The following WDFY3 variants were observed in gnomAD, a reference collection of about 807,000 sequenced individuals.
WDFY3 encodes WD repeat and FYVE domain-containing protein 3.
In WDFY3, 66 loss-of-function variants were observed where a neutral mutation model predicts 409.6. The ratio of observed to expected loss-of-function variants is 0.16; its 90% CI spans 0.13 to 0.20. The LOEUF (loss-of-function observed/expected upper bound fraction) is 0.20, where lower values mean the gene tolerates loss of function less well. Ranked by LOEUF, WDFY3 falls within the 10% of genes least tolerant of loss-of-function variation. WDFY3 has a pLI of 1.00. For missense variants in WDFY3, 3,031 were observed against 4,298.1 expected (o/e 0.71, Z 8.24); for synonymous variants, 1,521 against 1,537.1 (o/e 0.99, Z 0.25).
At chr4:84,778,133 A>G (rs569438433) in intron 27 of WDFY3, among the ~76,000 whole-genome samples, 1 of 152,240 alleles carries the variant, frequency 6.6e-6, no homozygotes, top group Admixed American at 6.5e-5. Context: ...ACATAAAATG[A>G]ATGATATTTT....
intron 3 of WDFY3, among the ~76,000 whole-genome samples, chr4:84,871,904 G>A (rs960100965): frequency 2.0e-5 from 3 of 152,210 alleles, no homozygotes; most frequent in African/African-American, 7.2e-5. Flanking sequence ...AAAGTGCGAG[G>A]ATTACAGGCA....
In WDFY3 at chr4:84,684,100, G is replaced by A; in HGVS notation, c.9569C>T (p.Thr3190Ile). The A allele has an allele frequency of 6.2e-7, 1 of 1,601,354 alleles. No individual in the cohort carries two copies. Among genetic ancestry groups the A allele is most frequent in the East Asian group, 2.2e-5 (1 of 44,466 alleles). ...ATTGATGCTCCACACATGGATATAT[G>A]TGCCAGCGCAGGACACAATGTCCCC... ...LTGDIVSCAG[T>I]YIHVWSINGN... Residue 3190 changes from threonine to isoleucine, a missense_variant, in exon 63 of 68, where the codon ACA (threonine) becomes ATA (isoleucine). This residue lies in a region of WDFY3 where 378 missense variants were observed against 477.3 expected (regional missense o/e 0.79). Coordinates refer to ENST00000295888, the MANE Select transcript of WDFY3 (RefSeq NM_014991.6).
At chr4:84,943,860 T>C (rs1310181890) in intron 1 of WDFY3, among the ~76,000 whole-genome samples, 1 of 152,160 alleles carries the variant, frequency 6.6e-6, no homozygotes, top group Non-Finnish European at 1.5e-5. Flanking sequence ...TTGTGTTGGG[T>C]CCCTACCAGA....
At chr4:84,903,129 A>G (rs1156999172) in intron 2 of WDFY3, among the ~76,000 whole-genome samples, 2 of 152,206 alleles carry the variant, frequency 1.3e-5, no homozygotes, top group Non-Finnish European at 2.9e-5. Context: ...TTAGGTCAGA[A>G]AAAAGAGAGT....
rs773219297 is a variant in WDFY3, at chr4:84,803,393, G to A, written c.2504C>T (p.Thr835Ile). The change falls in exon 16 of 68, where the codon ACA becomes ATA. Residue 835 changes from threonine to isoleucine, a missense_variant. Thr to Ile is a moderately conservative substitution (Grantham distance 89). Around this residue, in one of 16 missense-constraint regions of WDFY3, gnomAD observed 1,322 missense variants for 1,697.9 expected, o/e 0.78. Transcript: ENST00000295888. ...ATCAGAACTCTGCAGAGATGAAGTT[G>A]TCACATGTAGTTTCAGGTCGGCAAC... ...KNVADLKLHV[T>I]TSSLQSSDAV... 6.2e-7 allele frequency: 1 copy of A among 1,614,142 alleles called. No individual in the cohort carries two copies. The highest frequency in any genetic ancestry group is 1.1e-5 in the South Asian group (1 of 91,080).
chr4:84,733,964 A>C (rs1256921770), intron 43 of WDFY3, among the ~76,000 whole-genome samples: 2 of 152,168 alleles, frequency 1.3e-5, no homozygotes, highest in East Asian at 3.9e-4. Context: ...ATATATGGTA[A>C]TTTAAGGATA....
intron 13 of WDFY3, among the ~76,000 whole-genome samples, chr4:84,812,222 T>C (rs1158905830): frequency 6.6e-6 from 1 of 152,230 alleles, no homozygotes; most frequent in Non-Finnish European, 1.5e-5. Flanking sequence ...CTTCAATCAA[T>C]AAATTTACAT....
At chr4:84,892,169 T>G (rs1765041039) in intron 3 of WDFY3, among the ~76,000 whole-genome samples, 1 of 151,978 alleles carries the variant, frequency 6.6e-6, no homozygotes, top group Non-Finnish European at 1.5e-5. Context: ...ATAAAATAAT[T>G]TATCATGTTT....
At chr4:84,746,645 G>A (rs1303291905) in intron 36 of WDFY3, among the ~76,000 whole-genome samples, 1 of 151,932 alleles carries the variant, frequency 6.6e-6, no homozygotes, top group Non-Finnish European at 1.5e-5. Context: ...TGTTCTTACT[G>A]AGATGTATAG....
intron 63 of WDFY3, 56 bp from the exon 64 acceptor site, chr4:84,682,526 T>C: frequency 7.5e-7 from 1 of 1,339,980 alleles, no homozygotes; most frequent in Non-Finnish European, 1.1e-6. Flanking sequence ...AAGGAACCAA[T>C]TTACATTACT....
intron 1 of WDFY3, among the ~76,000 whole-genome samples, chr4:84,944,801 A>C (rs1325497417): frequency 6.6e-6 from 1 of 152,150 alleles, no homozygotes; most frequent in Non-Finnish European, 1.5e-5. Context: ...CAAAAAAATA[A>C]ATAAAAATAA....
At chr4:84,834,628 G>C (rs1317662982) in intron 7 of WDFY3, among the ~76,000 whole-genome samples, 1 of 152,114 alleles carries the variant, frequency 6.6e-6, no homozygotes, top group Non-Finnish European at 1.5e-5. Flanking sequence ...TCCGGCCTGG[G>C]AGACAGACCA....
At chr4:84,741,729 G>A in intron 38 of WDFY3, 32 bp downstream of exon 38, 1 of 1,544,396 alleles carries the variant, frequency 6.5e-7, no homozygotes, top group African/African-American at 1.4e-5. Context: ...AGGAAAACAT[G>A]TACTCTACAA....
intron 1 of WDFY3, among the ~76,000 whole-genome samples, chr4:84,955,406 G>T (rs919063128): frequency 6.6e-6 from 1 of 152,134 alleles, no homozygotes; most frequent in Non-Finnish European, 1.5e-5. Context: ...TACAGGAAAT[G>T]CAGGGAAGAA....
chr4:84,871,307 CA>C (rs1762100395), intron 3 of WDFY3, among the ~76,000 whole-genome samples: 2 of 152,064 alleles, frequency 1.3e-5, no homozygotes, highest in South Asian at 4.2e-4. Context: ...TCATCTAAAA[CA>C]TGCAAGCAAA....
At chr4:84,865,205 T>G (rs1761211287) in intron 3 of WDFY3, among the ~76,000 whole-genome samples, 1 of 152,126 alleles carries the variant, frequency 6.6e-6, no homozygotes, top group Non-Finnish European at 1.5e-5. Flanking sequence ...TTCATTTTAA[T>G]TTTAAAAATA....
In WDFY3 at chr4:84,801,852, G is replaced by T; in HGVS notation, c.2620C>A (p.Leu874Ile). The change falls in exon 17 of 68, where the codon CTT (leucine) becomes ATT (isoleucine). Residue 874 changes from leucine (L) to isoleucine (I), a missense_variant. Physicochemically the swap from Leu to Ile is conservative, Grantham distance 5. This residue lies in a region of WDFY3 where 1,322 missense variants were observed against 1,697.9 expected (regional missense o/e 0.78). Coordinates refer to ENST00000295888, the MANE Select transcript of WDFY3 (RefSeq NM_014991.6). ...SVTQPEHALDLQLAVANILQS... is the reference protein window; with the variant it reads ...SVTQPEHALDIQLAVANILQS... ...AAAATATTTGCCACGGCAAGTTGAA[G>T]ATCCAAAGCATGCTAAAATCAACAA... 6.2e-7 allele frequency: 1 copy of T among 1,613,876 alleles called. No homozygotes were observed. Among genetic ancestry groups the T allele is most frequent in the Non-Finnish European group, 8.5e-7 (1 of 1,179,796 alleles).
chr4:84,925,194 T>C (rs575202266), intron 2 of WDFY3, among the ~76,000 whole-genome samples: 3 of 152,314 alleles, frequency 2.0e-5, no homozygotes, highest in Non-Finnish European at 4.4e-5. Context: ...TCCTTTAACC[T>C]CTTTCTTTTC....
rs758272251 is a variant in WDFY3 at position 84,724,526 on chromosome 4, G to A, written c.7341C>T (p.Gly2447=). The change falls in exon 46 of 68, where the codon GGC becomes GGT. Residue 2447 remains glycine (G), a synonymous_variant. Transcript: ENST00000295888. ...SKEYYMRLAS[G]NPAIVQDAIV... ...TGGCGTCTTGGACAATGGCGGGATT[G>A]CCAGAGGCCAGTCGCATGTAGTACT... 2 of 1,614,116 alleles carry A rather than the reference G, an allele frequency of 1.2e-6. No individual in the cohort carries two copies. Among genetic ancestry groups the A allele is most frequent in the South Asian group, 2.2e-5 (2 of 91,088 alleles).
Sources: gnomAD v4.1 joint callset for allele counts (sites outside exome capture counted in the v4.1 genomes callset) on GRCh38, gnomAD v4.1.1 for gene constraint, gnomAD v4.1.1 regional missense constraint, MANE v1.5 for transcripts, NCBI Gene and HGNC (gene_info 2026-07-23, HGNC 2026-07-21) for gene names.